EBF2: variants seen among roughly 807,000 people sequenced by gnomAD.
EBF2 encodes EBF transcription factor 2, also known as transcription factor COE2.
Under a neutral mutation model 72.8 loss-of-function variants are expected in EBF2, and 21 were observed. The ratio of observed to expected loss-of-function variants is 0.29; its 90% CI spans 0.20 to 0.42. The LOEUF (loss-of-function observed/expected upper bound fraction) is 0.42, where lower values mean the gene tolerates loss of function less well. Ranked by LOEUF, EBF2 falls within the 10% of genes least tolerant of loss-of-function variation. The pLI is 1.00. For synonymous variants in EBF2, 299 were observed against 274.2 expected (o/e 1.09, Z -0.89); for missense variants, 637 against 731.2 (o/e 0.87, Z 1.49).
intron 6 of EBF2, among the ~76,000 whole-genome samples, chr8:26,024,582 T>C (rs569178136): frequency 6.6e-6 from 1 of 152,288 alleles, no homozygotes; most frequent in Non-Finnish European, 1.5e-5. Flanking sequence ...GCTAAGAGGT[T>C]GTAGAATGCA....
chr8:26,002,742 C>T (rs1472491935), intron 6 of EBF2, among the ~76,000 whole-genome samples: 1 of 152,154 alleles, frequency 6.6e-6, no homozygotes, highest in Non-Finnish European at 1.5e-5. Context: ...TTCCCGGCTG[C>T]GTCTCTCCCC....
In EBF2 at chr8:25,976,466, GAC is replaced by G. The variant is rs145268135; in HGVS notation, c.551+56617_551+56618del. Among the ~76,000 whole-genome samples the G allele has an allele frequency of 5.2e-3, 786 of 152,304 alleles. 6 individuals carry two copies. The highest frequency in any genetic ancestry group is 9.5e-3 in the South Asian group (46 of 4,832). On this transcript the variant is annotated intron_variant, in intron 6 of 15. Coordinates refer to ENST00000520164, the MANE Select transcript of EBF2 (RefSeq NM_022659.4). Reference sequence around the variant, plus strand: ...ATTCTGGGCAAATCCTTAGGAAAATGACACAGAGTTGGGCTGAGCTGCCAAGA... The same window carrying G: ...ATTCTGGGCAAATCCTTAGGAAAATGACAGAGTTGGGCTGAGCTGCCAAGA...
chr8:26,021,285 T>C (rs148107464), intron 6 of EBF2, among the ~76,000 whole-genome samples: 38 of 152,322 alleles, frequency 2.5e-4, no homozygotes, highest in African/African-American at 9.1e-4. Context: ...TGGATCCCAA[T>C]AATGCTTTCT....
At chr8:26,040,555 G>A (rs1805582084) in intron 4 of EBF2, 61 bp downstream of exon 4, 1 of 1,498,142 alleles carries the variant, frequency 6.7e-7, no homozygotes, top group Non-Finnish European at 9.0e-7. Context: ...GAAACAAACT[G>A]GGGGGTTTGG....
intron 5 of EBF2, among the ~76,000 whole-genome samples, chr8:26,036,858 A>G (rs533624109): frequency 1.3e-5 from 2 of 152,288 alleles, no homozygotes; most frequent in East Asian, 3.9e-4. Flanking sequence ...GAAGTTCCTG[A>G]TAAGTGTTTT....
At chr8:26,005,533 A>G (rs1342371527) in intron 6 of EBF2, among the ~76,000 whole-genome samples, 3 of 68,852 alleles carry the variant, frequency 4.4e-5, no homozygotes, top group Non-Finnish European at 7.9e-5. Flanking sequence ...ATTATATATT[A>G]TATATATTTT....
At chr8:25,929,504 T>C (rs1803446459) in intron 6 of EBF2, among the ~76,000 whole-genome samples, 1 of 152,240 alleles carries the variant, frequency 6.6e-6, no homozygotes, top group Admixed American at 6.5e-5. Context: ...AAGGAGCTTC[T>C]CTATTTCAAG....
chr8:25,994,043 T>G (rs989272372), intron 6 of EBF2, among the ~76,000 whole-genome samples: 12 of 152,082 alleles, frequency 7.9e-5, no homozygotes, highest in African/African-American at 2.4e-4. Context: ...ACAAGATTAT[T>G]AAAGATGCAA....
At chr8:26,007,492 C>T (rs1482503717) in intron 6 of EBF2, among the ~76,000 whole-genome samples, 1 of 151,848 alleles carries the variant, frequency 6.6e-6, no homozygotes, top group African/African-American at 2.4e-5. Context: ...AATCCAGGGT[C>T]CATATGTAAA....
chr8:25,844,416 T>G lies in EBF2; in HGVS notation c.*193A>C. On this transcript the variant is annotated 3_prime_UTR_variant, in exon 16 of 16. Coordinates refer to ENST00000520164, the MANE Select transcript of EBF2 (RefSeq NM_022659.4). The stretch of plus-strand genomic sequence containing the variant: ...ATCTTTTGTCCTTGTCCCAAGAGGG[T>G]CAGTTTGTGTAGCCACCATCAGAGC... 1.7e-6 allele frequency: 1 copy of G among 578,442 alleles called. No individual in the cohort carries two copies. The highest frequency in any genetic ancestry group is 3.1e-6 in the Non-Finnish European group (1 of 324,974). The allele number at this position is 578,442 out of a possible 1,614,324, so 35.8% of individuals were successfully genotyped here. A position where few individuals can be genotyped will look rare whatever the true frequency, so the allele number is the denominator to read the frequency against.
At chr8:25,908,360 T>A (rs1308903513) in intron 7 of EBF2, 114 bp downstream of exon 7, 2 of 739,130 alleles carry the variant, frequency 2.7e-6, no homozygotes, top group Non-Finnish European at 4.5e-6. Flanking sequence ...TCTTTTTTAT[T>A]GTTAGGAGTA....
chr8:25,981,063 G>A (rs367778344), intron 6 of EBF2, among the ~76,000 whole-genome samples: 15 of 152,098 alleles, frequency 9.9e-5, no homozygotes, highest in East Asian at 9.7e-4. Context: ...AGAACATCTC[G>A]TTTGTTCCTC....
At chr8:25,909,268 A>T (rs547498473) in intron 6 of EBF2, among the ~76,000 whole-genome samples, 5 of 152,198 alleles carry the variant, frequency 3.3e-5, no homozygotes, top group African/African-American at 1.2e-4. Context: ...AAAATTGGGC[A>T]TCTTTCATCA....
intron 6 of EBF2, among the ~76,000 whole-genome samples, chr8:25,985,977 G>A (rs56384725): frequency 0.019 from 1,890 of 100,670 alleles, 62 homozygotes; most frequent in African/African-American, 0.073. Flanking sequence ...ACACCAGCCC[G>A]GGTGACAGAG....
intron 6 of EBF2, among the ~76,000 whole-genome samples, chr8:26,005,557 T>TAGAGAGAGAGAGAGAGAG (rs1480763824): frequency 2.2e-5 from 1 of 45,080 alleles, no homozygotes; most frequent in African/African-American, 1.4e-4. Context: ...TATATATATA[T>TAGAGAGAGAGAGAGAGAG]ATATAGAGAG....
intron 2 of EBF2, among the ~76,000 whole-genome samples, chr8:26,041,849 G>A (rs796903499): frequency 6.6e-6 from 1 of 152,166 alleles, no homozygotes; most frequent in South Asian, 2.1e-4. Flanking sequence ...CCATAACCAG[G>A]CGCTACTAAG....
intron 14 of EBF2, among the ~76,000 whole-genome samples, chr8:25,853,972 T>C (rs1389261724): frequency 1.3e-5 from 2 of 152,148 alleles, no homozygotes; most frequent in African/African-American, 4.8e-5. Context: ...GGATTATGAA[T>C]ACCCTTAAAT....
rs139750285 is a variant in EBF2 at position 25,984,675 on chromosome 8, C to T, written c.551+48410G>A. The stretch of plus-strand genomic sequence containing the variant: ...CCAGCCTGGGCGACAGAGCAAGACT[C>T]CATCTCAAAAAAAAAAAAGACCCAT... On this transcript the variant is annotated intron_variant, in intron 6 of 15. Coordinates refer to ENST00000520164, the MANE Select transcript of EBF2 (RefSeq NM_022659.4). Among the ~76,000 whole-genome samples, 210 of 149,358 alleles carry T rather than the reference C, an allele frequency of 1.4e-3. 1 individual carries two copies. The highest frequency in any genetic ancestry group is 4.9e-3 in the African/African-American group (200 of 41,152).
intron 6 of EBF2, chr8:26,032,248 T>A (rs575829539): frequency 3.9e-5 from 6 of 152,316 alleles, no homozygotes; most frequent in African/African-American, 1.2e-4. Flanking sequence ...CTGGGAAGAA[T>A]GCCAGAGGTT....
Sources: allele counts gnomAD v4.1 joint callset (sites outside exome capture counted in the v4.1 genomes callset), GRCh38; gene constraint gnomAD v4.1.1; transcripts MANE v1.5; gene names NCBI Gene and HGNC (gene_info 2026-07-23, HGNC 2026-07-21).